The following DPYD variants were observed in gnomAD, a reference collection of about 807,000 sequenced individuals.
DPYD encodes the protein dihydropyrimidine dehydrogenase [NADP(+)].
A neutral mutation model predicts 116.2 loss-of-function variants in DPYD; 109 were observed. That is an observed-to-expected ratio of 0.94 (90% CI 0.80 to 1.10). The LOEUF is 1.10. DPYD is among the 50% of genes least tolerant of loss of function. The pLI is 0.00. For synonymous variants in DPYD, 440 were observed against 432.0 expected (o/e 1.02, Z -0.23); for missense variants, 1,302 against 1,254.5 (o/e 1.04, Z -0.57).
chr1:97,169,889 T>C (rs183736066), intron 20 of DPYD, among the ~76,000 whole-genome samples: 26 of 152,278 alleles, frequency 1.7e-4, no homozygotes, highest in Non-Finnish European at 3.1e-4. Flanking sequence ...CATCTCCACC[T>C]GCATCCCTTC....
chr1:97,424,855 C>G (rs1032848014), intron 14 of DPYD, among the ~76,000 whole-genome samples: 1 of 152,004 alleles, frequency 6.6e-6, no homozygotes, highest in Non-Finnish European at 1.5e-5. Flanking sequence ...ATTAAAAGTT[C>G]TTAAACTGAC....
intron 8 of DPYD, among the ~76,000 whole-genome samples, chr1:97,662,414 C>T (rs941485620): frequency 4.6e-5 from 7 of 151,450 alleles, no homozygotes; most frequent in Non-Finnish European, 7.4e-5. Context: ...GGGCAAATGA[C>T]GAGGTCCAGA....
rs183044883 is a variant in DPYD at position 97,509,308 on chromosome 1, G to T, written c.1740+6418C>A. 2.6e-5 allele frequency among the ~76,000 whole-genome samples: 4 copies of T among 152,114 alleles called. No homozygotes were observed. The East Asian group carries it at 7.8e-4, about 30-fold the overall frequency. ...GTGGCCCTGGCTTTGGCATTGTGAG[G>T]CAGGCAGAGCCTTGAAAAACCAAGA... On this transcript the variant is annotated intron_variant, in intron 13 of 22. Coordinates refer to ENST00000370192, the MANE Select transcript of DPYD (RefSeq NM_000110.4).
chr1:97,546,646 G>T, intron 12 of DPYD: 1 of 1,612,708 alleles, frequency 6.2e-7, no homozygotes, highest in Non-Finnish European at 8.5e-7. Flanking sequence ...GCTTTACATT[G>T]CAGATAGGAA....
intron 11 of DPYD, among the ~76,000 whole-genome samples, chr1:97,562,512 A>G (rs1652224388): frequency 3.3e-5 from 5 of 152,206 alleles, no homozygotes. Context: ...TATGGTTGTT[A>G]AAGAGGAAAA....
chr1:97,243,472 T>C (rs1662514086), intron 18 of DPYD, among the ~76,000 whole-genome samples: 1 of 151,876 alleles, frequency 6.6e-6, no homozygotes. Context: ...ATCCTCAAGA[T>C]CACTCTGTTA....
chr1:97,441,602 A>G (rs575971132), intron 14 of DPYD, among the ~76,000 whole-genome samples: 19 of 152,290 alleles, frequency 1.2e-4, no homozygotes, highest in African/African-American at 4.6e-4. Context: ...CATAAGGAAT[A>G]TAATTATAAC....
At chr1:97,201,862 T>C (rs2101845735) in intron 19 of DPYD, among the ~76,000 whole-genome samples, 1 of 152,046 alleles carries the variant, frequency 6.6e-6, no homozygotes, top group African/African-American at 2.4e-5. Flanking sequence ...TTTAAACTCC[T>C]TCTGAGATCT....
intron 19 of DPYD, among the ~76,000 whole-genome samples, chr1:97,232,921 G>T (rs916070914): frequency 1.3e-5 from 2 of 152,066 alleles, no homozygotes; most frequent in Non-Finnish European, 2.9e-5. Context: ...TCTTTTTTAT[G>T]ATCCAGCCTG....
chr1:97,741,106 G>A (rs1664247429), intron 3 of DPYD, among the ~76,000 whole-genome samples: 1 of 152,118 alleles, frequency 6.6e-6, no homozygotes, highest in Non-Finnish European at 1.5e-5. Context: ...TGCTGCTGAA[G>A]AGAATGGGCT....
At chr1:97,441,154 G>T (rs748790462) in intron 14 of DPYD, among the ~76,000 whole-genome samples, 21 of 151,858 alleles carry the variant, frequency 1.4e-4, no homozygotes, top group Admixed American at 1.2e-3. Flanking sequence ...TTACATTACT[G>T]CCTGGTATAG....
chr1:97,434,507 T>C (rs1675357593), intron 14 of DPYD, among the ~76,000 whole-genome samples: 1 of 152,064 alleles, frequency 6.6e-6, no homozygotes, highest in Admixed American at 6.5e-5. Context: ...GCATAAATTC[T>C]TTCTATCCTA....
At chr1:97,705,447 T>C (rs1426214955) in intron 5 of DPYD, among the ~76,000 whole-genome samples, 5 of 152,112 alleles carry the variant, frequency 3.3e-5, no homozygotes, top group Admixed American at 2.6e-4. Context: ...TCCATGTCCC[T>C]ACAAAGGACA....
In DPYD at chr1:97,839,937, C is replaced by A. The variant is rs58211735; in HGVS notation, c.151-11741G>T. Among the ~76,000 whole-genome samples the A allele has an allele frequency of 6.6e-3, 1,001 of 152,212 alleles. 15 individuals are homozygous for A. The highest frequency in any genetic ancestry group is 0.024 in the African/African-American group (977 of 41,546). ...CCTGGATACTAATGAGGTGGAGCAT[C>A]TTTTCATGTGTTTATCGGCTATTTA... is the stretch of plus-strand genomic sequence containing the variant. On this transcript the variant is annotated intron_variant, in intron 2 of 22. Coordinates refer to ENST00000370192, the MANE Select transcript of DPYD (RefSeq NM_000110.4).
chr1:97,158,935 G>A (rs979744167), intron 20 of DPYD, among the ~76,000 whole-genome samples: 1 of 152,128 alleles, frequency 6.6e-6, no homozygotes, highest in Non-Finnish European at 1.5e-5. Context: ...ATTAAGATAA[G>A]TTAATTGTCT....
At chr1:97,324,276 G>T (rs1189942165) in intron 16 of DPYD, among the ~76,000 whole-genome samples, 1 of 152,006 alleles carries the variant, frequency 6.6e-6, no homozygotes, top group Non-Finnish European at 1.5e-5. Flanking sequence ...TTGCAATTAA[G>T]AGTGTTAATT....
At chr1:97,225,560 GTTTT>G (rs59058167) in intron 19 of DPYD, among the ~76,000 whole-genome samples, 1 of 115,766 alleles carries the variant, frequency 8.6e-6, no homozygotes, top group Non-Finnish European at 1.9e-5. Context: ...AAATCAGGTT[GTTTT>G]TTTTTTTTTT....
At chr1:97,825,403 C>A (rs1455693786) in intron 3 of DPYD, among the ~76,000 whole-genome samples, 1 of 152,050 alleles carries the variant, frequency 6.6e-6, no homozygotes, top group Non-Finnish European at 1.5e-5. Context: ...CACAATAGGA[C>A]AATCTTCAGA....
chr1:97,445,728 T>TC (rs1676045204), intron 14 of DPYD, among the ~76,000 whole-genome samples: 5 of 150,918 alleles, frequency 3.3e-5, no homozygotes, highest in Admixed American at 1.3e-4. Context: ...TTGTCTGATT[T>TC]TTTTTTTTTT....
Sources: gnomAD v4.1 joint callset for allele counts (sites outside exome capture counted in the v4.1 genomes callset) on GRCh38, gnomAD v4.1.1 for gene constraint, MANE v1.5 for transcripts, NCBI Gene and HGNC (gene_info 2026-07-23, HGNC 2026-07-21) for gene names.